The following KIDINS220 variants were observed in gnomAD, a reference collection of about 807,000 sequenced individuals.
The protein encoded by KIDINS220 is kinase D-interacting substrate of 220 kDa.
Under a neutral mutation model 157.6 loss-of-function variants are expected in KIDINS220, and 63 were observed. That is an observed-to-expected ratio of 0.40 (90% CI 0.33 to 0.49). The LOEUF is 0.49. KIDINS220 is among the 20% of genes least tolerant of loss of function. The pLI is 0.66. For synonymous variants in KIDINS220, 732 were observed against 783.6 expected, an observed-to-expected ratio of 0.93 and a Z score of 1.10; for missense variants, 1,772 against 2,171.2, an observed-to-expected ratio of 0.82 and a Z score of 3.65.
intron 17 of KIDINS220, among the ~76,000 whole-genome samples, chr2:8,785,013 C>T (rs1156780885): frequency 6.6e-6 from 1 of 152,182 alleles, no homozygotes. Context: ...AGATGTCCTT[C>T]AGTAGATAAA....
chr2:8,814,689 A>T (rs551938254), intron 4 of KIDINS220, among the ~76,000 whole-genome samples: 1 of 152,260 alleles, frequency 6.6e-6, no homozygotes, highest in Non-Finnish European at 1.5e-5. Flanking sequence ...CAGAATAAAG[A>T]TATTTTGTTT....
At chr2:8,825,720 C>G (rs920925646) in intron 2 of KIDINS220, 2 of 152,106 alleles carry the variant, frequency 1.3e-5, no homozygotes, top group African/African-American at 2.4e-5. Flanking sequence ...TTTTGTAAAA[C>G]AAACACATAC....
At chr2:8,726,934 C>T, downstream of KIDINS220, 1 of 1,288,056 alleles carries the variant, frequency 7.8e-7, no homozygotes, top group Non-Finnish European at 1.0e-6. Flanking sequence ...TCAAGGCCAG[C>T]ATTTTCTTCC....
In KIDINS220 at chr2:8,827,026, G is replaced by A; in HGVS notation, c.68C>T (p.Ala23Val). Reference protein sequence around the residue: ...VEEENIPALKALLEKCKDVDE... With the variant: ...VEEENIPALKVLLEKCKDVDE... ...TACATCTTTGCATTTTTCAAGAAGA[G>A]CTTTCAGAGCAGGAATGTTTTCTTC... The change falls in exon 2 of 30, where the codon GCT becomes GTT. Residue 23 changes from alanine (A) to valine (V), a missense_variant. Physicochemically the swap from Ala to Val is moderately conservative, Grantham distance 64 (BLOSUM62 0). This residue lies in a region of KIDINS220 where 254 missense variants were observed against 268.6 expected (regional missense o/e 0.95). Coordinates refer to ENST00000256707, the MANE Select transcript of KIDINS220 (RefSeq NM_020738.4). The A allele has an allele frequency of 6.2e-7, 1 of 1,610,124 alleles. No individual in the cohort carries two copies. The highest frequency in any genetic ancestry group is 8.5e-7 in the Non-Finnish European group (1 of 1,177,444).
At position 8,785,950 on chromosome 2, in the gene KIDINS220, T is replaced by C. The variant is rs531697787; in HGVS notation, c.2020A>G (p.Ile674Val). The stretch of plus-strand genomic sequence containing the variant: ...ACTCTAAATATAGCCAGAAGAGTAA[T>C]TCCAGATATAATGCAGCCAATGATA... Reference protein sequence around the residue: ...LFIIGCIISGITLLAIFRVDP... With the variant: ...LFIIGCIISGVTLLAIFRVDP... The change falls in exon 17 of 30, where the codon ATT (isoleucine) becomes GTT (valine). Residue 674 changes from isoleucine to valine, a missense_variant. By Grantham distance (29) the Ile-to-Val change is conservative (BLOSUM62 3). Around this residue, in one of 3 missense-constraint regions of KIDINS220, gnomAD observed 725 missense variants for 1,017.1 expected, o/e 0.71. Transcript: ENST00000256707. The C allele has an allele frequency of 2.5e-6, 4 of 1,613,912 alleles. No homozygotes were observed. The highest frequency in any genetic ancestry group is 2.2e-5 in the East Asian group (1 of 44,882).
intron 1 of KIDINS220, among the ~76,000 whole-genome samples, chr2:8,828,544 T>C (rs532770192): frequency 6.6e-6 from 1 of 152,356 alleles, no homozygotes; most frequent in East Asian, 1.9e-4. Context: ...ATCCATACTT[T>C]GTACCACATA....
At chr2:8,726,535 C>A (rs1663333127), downstream of KIDINS220, among the ~76,000 whole-genome samples, 1 of 152,214 alleles carries the variant, frequency 6.6e-6, no homozygotes, top group African/African-American at 2.4e-5. Flanking sequence ...AAAATTACAG[C>A]CATGCATCAG....
intron 26 of KIDINS220, among the ~76,000 whole-genome samples, chr2:8,739,721 A>T (rs1558318936): frequency 6.6e-6 from 1 of 152,248 alleles, no homozygotes; most frequent in African/African-American, 2.4e-5. Flanking sequence ...TAAGTCAAGA[A>T]GAGACCATTT....
chr2:8,824,971 G>A (rs1021679648), intron 2 of KIDINS220, among the ~76,000 whole-genome samples: 72 of 152,276 alleles, frequency 4.7e-4, no homozygotes, highest in African/African-American at 1.5e-3. Flanking sequence ...TGTCTAAATA[G>A]TCATATTCAT....
intron 11 of KIDINS220, among the ~76,000 whole-genome samples, chr2:8,795,121 G>A (rs1261895074): frequency 1.3e-5 from 2 of 152,084 alleles, no homozygotes; most frequent in African/African-American, 2.4e-5. Context: ...TCTTCACACC[G>A]ATCATCTTAG....
intron 27 of KIDINS220, 88 bp from the exon 28 acceptor site, chr2:8,734,841 A>G (rs985791881): frequency 5.3e-6 from 5 of 942,424 alleles, no homozygotes; most frequent in Non-Finnish European, 8.0e-6. Context: ...GCTTATATTT[A>G]GTTTTAAATA....
intron 28 of KIDINS220, 88 bp from the exon 29 acceptor site, chr2:8,733,768 G>A (rs918154587): frequency 2.1e-5 from 19 of 886,004 alleles, no homozygotes; most frequent in Non-Finnish European, 1.7e-6. Flanking sequence ...ACATTATAAA[G>A]CTATTGCAAC....
chr2:8,778,554 A>C, intron 20 of KIDINS220, 85 bp downstream of exon 20: 1 of 904,992 alleles, frequency 1.1e-6, no homozygotes, highest in South Asian at 1.3e-5. Flanking sequence ...AATATTTACA[A>C]AGTATTATTT....
At position 8,747,925 on chromosome 2, in the gene KIDINS220, C is replaced by T; in HGVS notation, c.3490G>A (p.Val1164Ile). The T allele has an allele frequency of 6.2e-7, 1 of 1,606,134 alleles. No homozygotes were observed. Among genetic ancestry groups the T allele is most frequent in the Non-Finnish European group, 8.5e-7 (1 of 1,176,846 alleles). The change falls in exon 25 of 30, where the codon GTA becomes ATA. Residue 1164 changes from valine to isoleucine, a missense_variant. Val to Ile is a conservative substitution (Grantham distance 29). This residue lies in a region of KIDINS220 where 793 missense variants were observed against 885.5 expected (regional missense o/e 0.90). Transcript: ENST00000256707. ...TGATCTCTGGGCAAACTCGTTTTTA[C>T]TGATGGACGTGAGATGAGATGTTGG... Reference protein sequence around the residue: ...GSQHLISRPSVKTSLPRDQNN... With the variant: ...GSQHLISRPSIKTSLPRDQNN...
intron 11 of KIDINS220, 47 bp from the exon 12 acceptor site, chr2:8,794,034 A>G: frequency 7.1e-7 from 1 of 1,412,436 alleles, no homozygotes; most frequent in Non-Finnish European, 9.6e-7. Context: ...CTTTATATAT[A>G]GTATGCAGAC....
At chr2:8,828,369 C>T (rs1166788865) in intron 1 of KIDINS220, among the ~76,000 whole-genome samples, 2 of 152,360 alleles carry the variant, frequency 1.3e-5, no homozygotes, top group South Asian at 2.1e-4. Flanking sequence ...TCACCCTGCA[C>T]TCTCAACCCT....
intron 2 of KIDINS220, 114 bp downstream of exon 2, chr2:8,826,872 G>A (rs1336537067): frequency 1.8e-6 from 1 of 544,328 alleles, no homozygotes; most frequent in Non-Finnish European, 3.3e-6. Flanking sequence ...CATAAGTACA[G>A]TGCAGTATTA....
intron 22 of KIDINS220, among the ~76,000 whole-genome samples, chr2:8,760,867 C>T (rs1228618870): frequency 6.6e-6 from 1 of 152,094 alleles, no homozygotes; most frequent in African/African-American, 2.4e-5. Flanking sequence ...TAGTGTATTA[C>T]TGCATGATAT....
At position 8,728,981 on chromosome 2, in the gene KIDINS220, A is replaced by G; in HGVS notation, c.*1739T>C. 1 of 979,052 alleles carries G rather than the reference A, an allele frequency of 1.0e-6. No homozygotes were observed. Among genetic ancestry groups the G allele is most frequent in the Non-Finnish European group, 1.2e-6 (1 of 823,668 alleles). 60.6% of individuals were successfully genotyped at this position (979,052 alleles called of 1,614,324 possible). ...AATCTATTTGTACACTTAATATGCTAGTATTAATTTCACAAACAGTATAAA... is the reference window on the plus strand; with the variant it reads ...AATCTATTTGTACACTTAATATGCTGGTATTAATTTCACAAACAGTATAAA... On this transcript the variant is annotated 3_prime_UTR_variant, in exon 30 of 30. Coordinates refer to ENST00000256707, the MANE Select transcript of KIDINS220 (RefSeq NM_020738.4).
Sources: gnomAD v4.1 joint callset for allele counts (sites outside exome capture counted in the v4.1 genomes callset) on GRCh38, gnomAD v4.1.1 for gene constraint, gnomAD v4.1.1 regional missense constraint, MANE v1.5 for transcripts, NCBI Gene and HGNC (gene_info 2026-07-23, HGNC 2026-07-21) for gene names.